Variants in DCTN1 observed in about 807,000 individuals in gnomAD.
DCTN1 encodes the protein 150 kDa dynein-associated polypeptide.
DCTN1 carries 61 observed loss-of-function variants against 161.2 expected under a neutral mutation model. That is an observed-to-expected ratio of 0.38 (90% CI 0.31 to 0.47). The LOEUF (loss-of-function observed/expected upper bound fraction) is 0.47, where lower values mean the gene tolerates loss of function less well. DCTN1 is among the 20% of genes least tolerant of loss of function. DCTN1 has a pLI of 0.99. For missense variants in DCTN1, 1,404 were observed against 1,623.7 expected (o/e 0.86, Z 2.33); for synonymous variants, 653 against 632.4 (o/e 1.03, Z -0.49).
chr2:74,366,358 G>A lies in DCTN1; in HGVS notation c.2646C>T (p.Ser882=), dbSNP rs191073199. Residue 882 remains serine (S), a synonymous_variant, in exon 23 of 32, where the codon TCC becomes TCT. Coordinates refer to ENST00000628224, the MANE Select transcript of DCTN1 (RefSeq NM_004082.5). ...GGCGCAGACACTCATAGGGGCTGCT[G>A]GAGGGGGTCCCATAGATCTGCAGGA... ...KASEQIYGTP[S]SSPYECLRQS... 4.0e-5 allele frequency: 64 copies of A among 1,614,226 alleles called. No individual in the cohort carries two copies. In the Admixed American group the frequency reaches 1.0e-3, roughly 26 times the overall value.
intron 1 of DCTN1, among the ~76,000 whole-genome samples, chr2:74,378,555 C>G (rs1675357921): frequency 6.6e-6 from 1 of 152,218 alleles, no homozygotes; most frequent in Non-Finnish European, 1.5e-5. Flanking sequence ...GCACTGTCTC[C>G]TTAATTCTCT....
intron 23 of DCTN1, 70 bp downstream of exon 23, chr2:74,366,173 CA>C: frequency 6.2e-7 from 1 of 1,612,308 alleles, no homozygotes; most frequent in South Asian, 1.1e-5. Flanking sequence ...CGTCCTCCCA[CA>C]ACTAGCAGTA....
upstream of DCTN1, among the ~76,000 whole-genome samples, chr2:74,382,932 G>A (rs1203051777): frequency 6.6e-6 from 1 of 151,434 alleles, no homozygotes; most frequent in African/African-American, 2.4e-5. Flanking sequence ...AAAATTAGCC[G>A]GGCGCGGTGG....
chr2:74,373,222 A>G (rs1297624852), intron 6 of DCTN1: 4 of 531,468 alleles, frequency 7.5e-6, no homozygotes, highest in Non-Finnish European at 1.4e-5. Context: ...CAGAAATCCC[A>G]GAAGTCCATC....
chr2:74,366,708 G>A, intron 21 of DCTN1, 75 bp downstream of exon 21: 1 of 1,614,128 alleles, frequency 6.2e-7, no homozygotes, highest in South Asian at 1.1e-5. Flanking sequence ...CCCCTAACCA[G>A]ATCCAGATCT....
Position 74,368,135 on chromosome 2 carries a change from T to C in DCTN1, c.1855-4A>G, listed in dbSNP as rs1196092738. The C allele has an allele frequency of 1.3e-6, 2 of 1,579,482 alleles. No individual in the cohort carries two copies. The highest frequency in any genetic ancestry group is 1.7e-6 in the Non-Finnish European group (2 of 1,162,024). On this transcript the variant is annotated splice_polypyrimidine_tract_variant and splice_region_variant and intron_variant, in intron 16 of 31. Transcript: ENST00000628224. Reference sequence around the variant, plus strand: ...CCTGCTTCCGGATCAGCTCTGCCTGTGGGAAAAAGCACCAGGAACCTGGGC... The same window carrying C: ...CCTGCTTCCGGATCAGCTCTGCCTGCGGGAAAAAGCACCAGGAACCTGGGC...
chr2:74,363,781 C>T, intron 26 of DCTN1, 153 bp from the exon 27 acceptor site: 1 of 1,025,422 alleles, frequency 9.8e-7, no homozygotes, highest in South Asian at 1.4e-5. Flanking sequence ...AGACTCTCTG[C>T]CACCTATCTT....
In DCTN1 at chr2:74,365,637, G is replaced by A. The variant is rs2104409972; in HGVS notation, c.2907C>T (p.Ala969=). 6.2e-7 allele frequency: 1 copy of A among 1,614,092 alleles called. No individual in the cohort carries two copies. Among genetic ancestry groups the A allele is most frequent in the African/African-American group, 1.3e-5 (1 of 75,006 alleles). ...LKIKGEELSE[A]NVRLSLLEKK... ...TCTCCAGGAGGCTCAGCCGCACATTGGCCTCACTTAGCTCCTCTCCCTGGA... is the reference window on the plus strand; with the variant it reads ...TCTCCAGGAGGCTCAGCCGCACATTAGCCTCACTTAGCTCCTCTCCCTGGA... The change falls in exon 25 of 32, where the codon GCC becomes GCT. Residue 969 remains alanine (A), a synonymous_variant. Coordinates refer to ENST00000628224, the MANE Select transcript of DCTN1 (RefSeq NM_004082.5).
At chr2:74,383,335 TATTTATTGAATAAAC>T (rs1675596540), upstream of DCTN1, among the ~76,000 whole-genome samples, 1 of 152,230 alleles carries the variant, frequency 6.6e-6, no homozygotes, top group Non-Finnish European at 1.5e-5. Flanking sequence ...CATGGTCAAA[TATTTATTGAATAAAC>T]ATTTATTGAA....
chr2:74,379,483 G>C (rs1007052031), intron 1 of DCTN1, among the ~76,000 whole-genome samples: 9 of 152,092 alleles, frequency 5.9e-5, no homozygotes, highest in African/African-American at 2.2e-4. Context: ...ATCACACCTG[G>C]AACAGCAGGA....
rs149499018 is a variant in DCTN1, at chr2:74,370,488, G to A, written c.1105C>T (p.Arg369Cys). 1 of 1,614,038 alleles carries A rather than the reference G, an allele frequency of 6.2e-7. No homozygotes were observed. The change falls in exon 11 of 32, where the codon CGC (arginine) becomes TGC (cysteine). Residue 369 changes from arginine (R) to cysteine (C), a missense_variant. This residue lies in a region of DCTN1 where 278 missense variants were observed against 363.8 expected (regional missense o/e 0.76). Coordinates refer to ENST00000628224, the MANE Select transcript of DCTN1 (RefSeq NM_004082.5). The surrounding 1 kb of genome is among the most constrained non-coding windows in gnomAD (Gnocchi z 4.4). ...QLKQLEEQNA[R>C]LKDALVRMRD... ...TACCTCACCAGGGCATCCTTCAGGC[G>A]GGCATTCTGCTCCTCAAGCTGCTTG...
rs58901202 is a variant in DCTN1 at position 74,369,816 on chromosome 2, GAAAAAAA to G, written c.1392+142_1392+148del. On this transcript the variant is annotated intron_variant, in intron 13 of 31. Transcript: ENST00000628224. The surrounding 1 kb of genome is among the most constrained non-coding windows in gnomAD (Gnocchi z 4.9). ...GGCAACAGAGCGAGATTCCATCTCA[GAAAAAAA>G]AAAAAAAAAAAAAGGCAGGGTCAGG... 9.8e-6 allele frequency: 5 copies of G among 511,372 alleles called. No homozygotes were observed. Among genetic ancestry groups the G allele is most frequent in the East Asian group, 3.3e-5 (1 of 29,864 alleles). The allele number at this position is 511,372 out of a possible 1,614,324, so 31.7% of individuals were successfully genotyped here.
intron 5 of DCTN1, among the ~76,000 whole-genome samples, chr2:74,375,379 T>C (rs1675163395): frequency 6.6e-6 from 1 of 152,236 alleles, no homozygotes; most frequent in Non-Finnish European, 1.5e-5. Flanking sequence ...GCAGGGGCCC[T>C]CTGCTTTGAA....
intron 18 of DCTN1, 71 bp from the exon 19 acceptor site, chr2:74,367,491 T>G: frequency 2.5e-6 from 4 of 1,575,300 alleles, no homozygotes; most frequent in Non-Finnish European, 3.5e-6. Context: ...AAACTGTAGT[T>G]TGAGCCCTGG....
intron 1 of DCTN1, among the ~76,000 whole-genome samples, chr2:74,390,177 A>C (rs759580110): frequency 6.6e-6 from 1 of 152,240 alleles, no homozygotes; most frequent in Non-Finnish European, 1.5e-5. Flanking sequence ...AATTTAAGAA[A>C]GGGATTTCTT....
At chr2:74,379,663 CAAAGCAG>C (rs1675419369) in intron 1 of DCTN1, among the ~76,000 whole-genome samples, 1 of 152,158 alleles carries the variant, frequency 6.6e-6, no homozygotes, top group Non-Finnish European at 1.5e-5. Context: ...TAACAAATAA[CAAAGCAG>C]CTCTTAAGAA....
chr2:74,390,712 T>A (rs770895859), intron 1 of DCTN1: 4 of 421,030 alleles, frequency 9.5e-6, no homozygotes, highest in Non-Finnish European at 2.0e-5. Flanking sequence ...GCCAGCAGCA[T>A]TAGCATCACC....
intron 26 of DCTN1, 126 bp from the exon 27 acceptor site, chr2:74,363,754 T>C: frequency 7.9e-7 from 1 of 1,259,290 alleles, no homozygotes; most frequent in Non-Finnish European, 1.1e-6. Flanking sequence ...TTCCTAATCA[T>C]CATACTTTCT....
At position 74,372,929 on chromosome 2, in the gene DCTN1, T is replaced by C. The variant is rs1674971957; in HGVS notation, c.452A>G (p.Lys151Arg). The C allele has an allele frequency of 1.2e-6, 2 of 1,613,960 alleles. No homozygotes were observed. Among genetic ancestry groups the C allele is most frequent in the Admixed American group, 1.7e-5 (1 of 60,000 alleles). The change falls in exon 7 of 32, where the codon AAG becomes AGG. Residue 151 changes from lysine to arginine, a missense_variant and splice_region_variant. By Grantham distance (26) the Lys-to-Arg change is conservative. Coordinates refer to ENST00000628224, the MANE Select transcript of DCTN1 (RefSeq NM_004082.5). The part of the protein sequence containing the change: ...TARKTTTRRP[K>R]PTRPASTGVA... Reference sequence around the variant, plus strand: ...TCACACAGGGGCCTGTTTTCTCACCTTGGGTCGCCGAGTTGTGGTCTGGAC... The same window carrying C: ...TCACACAGGGGCCTGTTTTCTCACCCTGGGTCGCCGAGTTGTGGTCTGGAC...
Sources: allele counts gnomAD v4.1 joint callset (sites outside exome capture counted in the v4.1 genomes callset), GRCh38; gene constraint gnomAD v4.1.1; regional missense constraint gnomAD v4.1.1; non-coding constraint Gnocchi (gnomAD v3.1); transcripts MANE v1.5; gene names NCBI Gene and HGNC (gene_info 2026-07-23, HGNC 2026-07-21).